Variants in MATK observed in about 807,000 individuals in gnomAD.
MATK encodes the protein megakaryocyte-associated tyrosine kinase.
Under a neutral mutation model 59.8 loss-of-function variants are expected in MATK, and 41 were observed. That is an observed-to-expected ratio of 0.69 (90% CI 0.53 to 0.89). The LOEUF (loss-of-function observed/expected upper bound fraction) is 0.89, where lower values mean the gene tolerates loss of function less well. MATK is among the 40% of genes least tolerant of loss of function. The probability of loss-of-function intolerance (pLI) is 0.00; values close to 1 mark genes in which losing one functional copy is unlikely to be tolerated. For synonymous variants in MATK, 308 were observed against 306.1 expected, an observed-to-expected ratio of 1.01 and a Z score of -0.06; for missense variants, 593 against 719.6, an observed-to-expected ratio of 0.82 and a Z score of 2.01.
At position 3,800,400 on chromosome 19, in the gene MATK, C is replaced by T. The variant is rs527539068; in HGVS notation, c.-58+1132G>A. 2.0e-4 allele frequency among the ~76,000 whole-genome samples: 31 copies of T among 152,168 alleles called. No individual in the cohort carries two copies. The South Asian group carries it at 6.2e-3, about 31-fold the overall frequency. ...TCCCAGCACTTTGGGAGGCCAAGCA[C>T]TTTGGGAGGCCGAGGAGGGCGAATC... On this transcript the variant is annotated intron_variant, in intron 1 of 13. Transcript: ENST00000395045.
chr19:3,777,981 A>T lies in MATK; in HGVS notation c.*202T>A. On this transcript the variant is annotated 3_prime_UTR_variant, in exon 14 of 14. Transcript: ENST00000310132. ...ACACACAGGCGCCTAGAGTCCTTAG[A>T]ATCCGTCTTTATCGGGCGATCATCC... is the stretch of plus-strand genomic sequence containing the variant. 1.5e-6 allele frequency: 1 copy of T among 656,146 alleles called. No homozygotes were observed. Among genetic ancestry groups the T allele is most frequent in the East Asian group, 3.3e-5 (1 of 29,926 alleles). 40.6% of individuals were successfully genotyped at this position (656,146 alleles called of 1,614,324 possible). A position where few individuals can be genotyped will look rare whatever the true frequency, so the allele number is the denominator to read the frequency against.
Position 3,778,312 on chromosome 19 carries a change from G to A in MATK, c.1395C>T (p.Pro465=), listed in dbSNP as rs192330927. 1,929 of 1,576,168 alleles carry A rather than the reference G, an allele frequency of 1.2e-3. 51 individuals are homozygous for A. The Admixed American group carries it at 0.035, about 28-fold the overall frequency. ...GTTTGCGGAAGGGTGGCCGGCGGGC[G>A]GGCTCTGCCTCCCAGCAGCTGCTCA... ...VLMSSCWEAE[P]ARRPPFRKLA... is the part of the protein sequence containing the mutation. The change falls in exon 14 of 14, where the codon CCC becomes CCT. Residue 465 remains proline, a synonymous_variant. Coordinates refer to ENST00000310132, the MANE Select transcript of MATK (RefSeq NM_139355.3).
chr19:3,783,081 T>A lies in MATK; in HGVS notation c.676+45A>T, dbSNP rs1024018527. The A allele has an allele frequency of 2.5e-6, 4 of 1,591,910 alleles. No individual in the cohort carries two copies. In the Admixed American group the frequency reaches 5.0e-5, roughly 20 times the overall value. On this transcript the variant is annotated intron_variant, in intron 7 of 13. Coordinates refer to ENST00000310132, the MANE Select transcript of MATK (RefSeq NM_139355.3). ...CAGGGCCCTTCCTCCCGGACTGGGC[T>A]AACGTGGGTAGGGAAGGGGGTCTGC...
rs770045333 is a variant in MATK at position 3,791,435 on chromosome 19, C to T, written c.-57-2031G>A. ...TCGGCTCACTGCAAACTCTGCCTCC[C>T]GGGTTTAAGTGATTCTCCTGCCTCA... On this transcript the variant is annotated intron_variant, in intron 1 of 13. Coordinates refer to the MATK transcript ENST00000395045. 8.6e-4 allele frequency among the ~76,000 whole-genome samples: 130 copies of T among 151,800 alleles called. 1 individual carries two copies. The highest frequency in any genetic ancestry group is 1.3e-3 in the Non-Finnish European group (89 of 67,946).
upstream of MATK, among the ~76,000 whole-genome samples, chr19:3,788,068 A>G (rs1459987555): frequency 6.8e-6 from 1 of 146,770 alleles, no homozygotes; most frequent in Non-Finnish European, 1.5e-5. Context: ...TGGTTAAACC[A>G]TACTATTATA....
chr19:3,786,587 C>T (rs1441972900), upstream of MATK, among the ~76,000 whole-genome samples: 1 of 143,952 alleles, frequency 6.9e-6, no homozygotes, highest in Non-Finnish European at 1.5e-5. This position sits in a 1 kb window ranked among gnomAD's most constrained non-coding sequence, Gnocchi z 4.1. Flanking sequence ...CGCCAGTGCG[C>T]GCGGCGGGGA....
At chr19:3,788,840 T>G (rs540892123), upstream of MATK, among the ~76,000 whole-genome samples, 1 of 152,110 alleles carries the variant, frequency 6.6e-6, no homozygotes, top group South Asian at 2.1e-4. Context: ...TACAGGCACA[T>G]GCCACCACAC....
intron 1 of MATK, among the ~76,000 whole-genome samples, chr19:3,795,329 T>A (rs560291089): frequency 6.7e-6 from 1 of 149,458 alleles, no homozygotes; most frequent in South Asian, 2.1e-4. Context: ...CTGGAATGCA[T>A]TAACGTGATC....
intron 4 of MATK, 34 bp downstream of exon 4, chr19:3,784,304 C>A: frequency 6.3e-7 from 1 of 1,591,270 alleles, no homozygotes; most frequent in Non-Finnish European, 8.6e-7. Context: ...GAGCCCCCAG[C>A]CCCAAGCACC....
rs748001295 is a variant in MATK, at chr19:3,783,874, G to A, written c.522C>T (p.Arg174=). ...CCTCATCGATTGTGAGGTGGCCGTC[G>A]CGGTGCAGCACGCGGTAGTGGATGA... ...RDVIHYRVLH[R]DGHLTIDEAV... is the part of the protein sequence containing the mutation. Residue 174 remains arginine, a synonymous_variant, in exon 6 of 14, where the codon CGC becomes CGT. Coordinates refer to ENST00000310132, the MANE Select transcript of MATK (RefSeq NM_139355.3). 1.9e-6 allele frequency: 3 copies of A among 1,613,202 alleles called. No homozygotes were observed. The highest frequency in any genetic ancestry group is 2.2e-5 in the East Asian group (1 of 44,868).
intron 11 of MATK, 32 bp downstream of exon 11, chr19:3,779,346 C>T (rs2037364152): frequency 6.2e-7 from 1 of 1,609,582 alleles, no homozygotes; most frequent in Admixed American, 1.7e-5. Flanking sequence ...CCGACGACCC[C>T]AGTGCCGCAG....
At chr19:3,779,475 C>A (rs533413515) in intron 10 of MATK, 24 bp from the exon 11 acceptor site, 5 of 1,612,522 alleles carry the variant, frequency 3.1e-6, no homozygotes, top group African/African-American at 1.3e-5. Context: ...GAGATGGCCG[C>A]GGGATGTTGG....
Position 3,779,181 on chromosome 19 carries a change from C to T in MATK, c.1008G>A (p.Val336=). 2 of 1,587,876 alleles carry T rather than the reference C, an allele frequency of 1.3e-6. No homozygotes were observed. Among genetic ancestry groups the T allele is most frequent in the Non-Finnish European group, 1.7e-6 (2 of 1,166,232 alleles). Reference sequence around the variant, plus strand: ...TCTCCAGGTACTCCATGCCCTCGGCCACGTGCCTGGGGGTAGTAGGGGGCA... The same window carrying T: ...TCTCCAGGTACTCCATGCCCTCGGCTACGTGCCTGGGGGTAGTAGGGGGCA... The part of the protein sequence containing the change: ...TAQLLQFSLH[V]AEGMEYLESK... The change falls in exon 12 of 14, where the codon GTG becomes GTA. Residue 336 remains valine (V), a synonymous_variant. Transcript: ENST00000310132.
chr19:3,800,962 C>G (rs1422077777), intron 1 of MATK, among the ~76,000 whole-genome samples: 1 of 152,080 alleles, frequency 6.6e-6, no homozygotes, highest in South Asian at 2.1e-4. Flanking sequence ...CAGGTTCAAG[C>G]GATTCTCCTG....
upstream of MATK, among the ~76,000 whole-genome samples, chr19:3,791,348 C>G (rs549943746): frequency 1.5e-3 from 227 of 151,742 alleles, no homozygotes; most frequent in African/African-American, 5.2e-3. Flanking sequence ...CCACCTCCCC[C>G]CACTTTTTTT....
chr19:3,798,252 A>G (rs1329069475), intron 1 of MATK, among the ~76,000 whole-genome samples: 1 of 150,818 alleles, frequency 6.6e-6, no homozygotes, highest in Non-Finnish European at 1.5e-5. Context: ...CCTTCAGGTT[A>G]CTTTTCTTTT....
chr19:3,780,812 T>G (rs1165789900), intron 8 of MATK, among the ~76,000 whole-genome samples: 1 of 151,808 alleles, frequency 6.6e-6, no homozygotes. Context: ...CACAGCTCAC[T>G]GCAGGTTCAA....
upstream of MATK, chr19:3,789,444 C>T (rs1331055946): frequency 5.1e-6 from 3 of 590,462 alleles, no homozygotes; most frequent in Non-Finnish European, 9.4e-6. Flanking sequence ...TCCCGAGGAG[C>T]CCCAGGGCTC....
chr19:3,786,453 C>A, upstream of MATK: 1 of 965,506 alleles, frequency 1.0e-6, no homozygotes, highest in South Asian at 4.7e-5. The surrounding 1 kb of genome is among the most constrained non-coding windows in gnomAD (Gnocchi z 4.1). Context: ...CGGCGCCTCC[C>A]GCGCGCCCCG....
Sources: allele counts gnomAD v4.1 joint callset (sites outside exome capture counted in the v4.1 genomes callset), GRCh38; gene constraint gnomAD v4.1.1; non-coding constraint Gnocchi (gnomAD v3.1); transcripts MANE v1.5; gene names NCBI Gene and HGNC (gene_info 2026-07-23, HGNC 2026-07-21).